ARHGEF11: variants seen among roughly 807,000 people sequenced by gnomAD.
The protein encoded by ARHGEF11 is Rho guanine exchange factor (GEF) 11.
A neutral mutation model predicts 193.7 loss-of-function variants in ARHGEF11; 55 were observed. That is an observed-to-expected ratio of 0.28 (90% CI 0.23 to 0.36). The LOEUF is 0.36. Ranked by LOEUF, ARHGEF11 falls within the 10% of genes least tolerant of loss-of-function variation. The pLI is 1.00. For missense variants in ARHGEF11, 1,723 were observed against 2,005.6 expected, an observed-to-expected ratio of 0.86 and a Z score of 2.69; for synonymous variants, 693 against 768.0, an observed-to-expected ratio of 0.90 and a Z score of 1.62.
intron 38 of ARHGEF11, among the ~76,000 whole-genome samples, chr1:156,938,100 G>A (rs981007878): frequency 6.6e-6 from 1 of 152,198 alleles, no homozygotes; most frequent in African/African-American, 2.4e-5. Flanking sequence ...GGAAGTGGCT[G>A]CTTGCATATC....
chr1:156,993,820 C>T (rs1352114596), intron 1 of ARHGEF11, among the ~76,000 whole-genome samples: 3 of 152,154 alleles, frequency 2.0e-5, no homozygotes, highest in Non-Finnish European at 4.4e-5. Flanking sequence ...TGCAGACAAC[C>T]GCTGCTGATC....
rs553465412 is a variant in ARHGEF11, at chr1:156,971,363, G to A, written c.702+334C>T. Reference sequence around the variant, plus strand: ...TACTGGGTAAAACCAGTATAGAAATGTACATACATCCACTATGAAGAACTA... The same window carrying A: ...TACTGGGTAAAACCAGTATAGAAATATACATACATCCACTATGAAGAACTA... On this transcript the variant is annotated intron_variant, in intron 8 of 40. Coordinates refer to ENST00000368194, the MANE Select transcript of ARHGEF11 (RefSeq NM_198236.3). 1.5e-3 allele frequency among the ~76,000 whole-genome samples: 225 copies of A among 152,328 alleles called. 1 individual carries two copies. The highest frequency in any genetic ancestry group is 5.2e-3 in the African/African-American group (217 of 41,568).
At chr1:157,039,462 A>C (rs1004758378) in intron 1 of ARHGEF11, among the ~76,000 whole-genome samples, 7 of 152,072 alleles carry the variant, frequency 4.6e-5, no homozygotes, top group African/African-American at 9.7e-5. Context: ...AGAACTCCAA[A>C]CCTCCTTTCA....
At chr1:157,010,753 G>A (rs551565951) in intron 1 of ARHGEF11, among the ~76,000 whole-genome samples, 2 of 152,078 alleles carry the variant, frequency 1.3e-5, no homozygotes, top group South Asian at 2.1e-4. Context: ...ATACAAAAAT[G>A]AAATTAAGAA....
chr1:157,007,651 G>A (rs1404221884), intron 1 of ARHGEF11, among the ~76,000 whole-genome samples: 1 of 152,126 alleles, frequency 6.6e-6, no homozygotes, highest in East Asian at 1.9e-4. Context: ...TGGTTAAGGT[G>A]CTTTCCCTAG....
chr1:157,039,456 C>A (rs1288775929), intron 1 of ARHGEF11, among the ~76,000 whole-genome samples: 1 of 152,204 alleles, frequency 6.6e-6, no homozygotes, highest in Admixed American at 6.5e-5. Context: ...TTCCTCAGAA[C>A]TCCAAACCTC....
At chr1:156,953,692 A>C (rs972471603) in intron 21 of ARHGEF11, among the ~76,000 whole-genome samples, 2 of 152,088 alleles carry the variant, frequency 1.3e-5, no homozygotes, top group Non-Finnish European at 2.9e-5. Context: ...CTCTCTCTCT[A>C]TATATATTTA....
intron 11 of ARHGEF11, among the ~76,000 whole-genome samples, chr1:156,966,258 T>A (rs569741867): frequency 6.6e-6 from 1 of 152,226 alleles, no homozygotes; most frequent in African/African-American, 2.4e-5. Flanking sequence ...ACTCAGTGAT[T>A]AACAGGCTCC....
rs1443468724 is a variant in ARHGEF11 at position 157,041,528 on chromosome 1, TTATTA to T, written c.32+2766_32+2770del. Among the ~76,000 whole-genome samples, 3 of 152,222 alleles carry T rather than the reference TTATTA, an allele frequency of 2.0e-5. No individual in the cohort carries two copies. The East Asian group carries it at 5.8e-4, about 29-fold the overall frequency. On this transcript the variant is annotated intron_variant, in intron 1 of 40. Coordinates refer to ENST00000368194, the MANE Select transcript of ARHGEF11 (RefSeq NM_198236.3). ...AATCTCTTTCCAAATACATAGTCCTTTATTATGTCATTTATTTTCTAGAAAATACA... is the reference window on the plus strand; with the variant it reads ...AATCTCTTTCCAAATACATAGTCCTTTGTCATTTATTTTCTAGAAAATACA...
intron 1 of ARHGEF11, among the ~76,000 whole-genome samples, chr1:157,025,493 C>A (rs1388333618): frequency 6.6e-6 from 1 of 152,190 alleles, no homozygotes; most frequent in African/African-American, 2.4e-5. Flanking sequence ...TTACCTCATT[C>A]TTCCCTCCTC....
At position 156,963,318 on chromosome 1, in the gene ARHGEF11, G is replaced by A. The variant is rs1344430148; in HGVS notation, c.1039-14C>T. On this transcript the variant is annotated splice_polypyrimidine_tract_variant and intron_variant, in intron 12 of 40. Coordinates refer to ENST00000368194, the MANE Select transcript of ARHGEF11 (RefSeq NM_198236.3). ...TATGATGTCGCTCTGGAAGGCAGAA[G>A]GATGAGCATGGTGGGAAGCCGGGCA... 1 of 1,609,658 alleles carries A rather than the reference G, an allele frequency of 6.2e-7. No individual in the cohort carries two copies. The highest frequency in any genetic ancestry group is 1.1e-5 in the South Asian group (1 of 90,812).
chr1:156,947,047 TG>T, intron 26 of ARHGEF11, 32 bp from the exon 27 acceptor site: 1 of 1,612,994 alleles, frequency 6.2e-7, no homozygotes, highest in Non-Finnish European at 8.5e-7. Context: ...TAGAAATGCC[TG>T]GGGTTGAGCT....
At chr1:156,940,761 C>A (rs2101825139) in intron 35 of ARHGEF11, among the ~76,000 whole-genome samples, 1 of 152,170 alleles carries the variant, frequency 6.6e-6, no homozygotes, top group African/African-American at 2.4e-5. Context: ...ACAGTGCTGG[C>A]TACAGTATTA....
Position 156,963,746 on chromosome 1 carries a change from A to G in ARHGEF11, c.964-152T>C, listed in dbSNP as rs966677914. The G allele has an allele frequency of 2.8e-6, 4 of 1,452,782 alleles. No individual in the cohort carries two copies. The African/African-American group carries it at 4.3e-5, about 15-fold the overall frequency. 90.0% of individuals were successfully genotyped at this position (1,452,782 alleles called of 1,614,324 possible). On this transcript the variant is annotated intron_variant, in intron 11 of 40. Coordinates refer to ENST00000368194, the MANE Select transcript of ARHGEF11 (RefSeq NM_198236.3). The stretch of plus-strand genomic sequence containing the variant: ...ATCTCACTCCCGCCCCCAAAATCAG[A>G]GCACAGATGAAATGATTTCCACTTG...
At position 156,963,574 on chromosome 1, in the gene ARHGEF11, C is replaced by G. The variant is rs767126561; in HGVS notation, c.984G>C (p.Lys328Asn). The G allele has an allele frequency of 6.6e-7, 1 of 1,518,766 alleles. No homozygotes were observed. Among genetic ancestry groups the G allele is most frequent in the Non-Finnish European group, 8.9e-7 (1 of 1,128,394 alleles). The allele number at this position is 1,518,766 out of a possible 1,614,324, so 94.1% of individuals were successfully genotyped here. A position where few individuals can be genotyped will look rare whatever the true frequency, so the allele number is the denominator to read the frequency against. ...CTTCCTCTGGGCCAATAATTAAAGG[C>G]TTTGGGCTTTGATCTACACCCTGGG... ...TGDQGVDQSP[K>N]PLIIGPEEDY... The change falls in exon 12 of 41, where the codon AAG becomes AAC. Residue 328 changes from lysine to asparagine, a missense_variant. By Grantham distance (94) the Lys-to-Asn change is moderately conservative (BLOSUM62 0). This residue lies in a region of ARHGEF11 where 646 missense variants were observed against 710.7 expected (regional missense o/e 0.91). Transcript: ENST00000368194.
At position 156,951,693 on chromosome 1, in the gene ARHGEF11, G is replaced by A. The variant is rs751825407; in HGVS notation, c.1805C>T (p.Pro602Leu). ...CTGAATGATGTTCCTCACATTGCCTGGTTTGACTAGAAGCAAAAAGAAAAT... is the reference window on the plus strand; with the variant it reads ...CTGAATGATGTTCCTCACATTGCCTAGTTTGACTAGAAGCAAAAAGAAAAT... ...HIPLSPVEVK[P>L]GNVRNIIQHF... The change falls in exon 22 of 41, where the codon CCA becomes CTA. Residue 602 changes from proline to leucine, a missense_variant. By Grantham distance (98) the Pro-to-Leu change is moderately conservative. Around this residue, in one of 5 missense-constraint regions of ARHGEF11, gnomAD observed 491 missense variants for 654.5 expected, o/e 0.75. Coordinates refer to ENST00000368194, the MANE Select transcript of ARHGEF11 (RefSeq NM_198236.3). 1.9e-6 allele frequency: 3 copies of A among 1,614,134 alleles called. No homozygotes were observed. Among genetic ancestry groups the A allele is most frequent in the South Asian group, 1.1e-5 (1 of 91,072 alleles).
At chr1:156,989,001 G>A (rs1033570277) in intron 1 of ARHGEF11, among the ~76,000 whole-genome samples, 1 of 152,026 alleles carries the variant, frequency 6.6e-6, no homozygotes, top group Non-Finnish European at 1.5e-5. Flanking sequence ...GGAGAGAGGA[G>A]GGTAGTTTGG....
At chr1:157,004,871 A>G (rs1279424071) in intron 1 of ARHGEF11, among the ~76,000 whole-genome samples, 2 of 152,192 alleles carry the variant, frequency 1.3e-5, no homozygotes, top group Non-Finnish European at 2.9e-5. Flanking sequence ...AGGAAACAAC[A>G]ACTTCAATCT....
intron 1 of ARHGEF11, among the ~76,000 whole-genome samples, chr1:157,016,973 G>C (rs981816640): frequency 2.0e-5 from 3 of 152,082 alleles, no homozygotes; most frequent in African/African-American, 7.2e-5. Flanking sequence ...ACGACATCCA[G>C]ACTAGTGAGA....
Sources: gnomAD v4.1 joint callset for allele counts (sites outside exome capture counted in the v4.1 genomes callset) on GRCh38, gnomAD v4.1.1 for gene constraint, gnomAD v4.1.1 regional missense constraint, MANE v1.5 for transcripts, NCBI Gene and HGNC (gene_info 2026-07-23, HGNC 2026-07-21) for gene names.